The following NAALADL2 variants were observed in gnomAD, a reference collection of about 807,000 sequenced individuals.
The protein encoded by NAALADL2 is N-acetylated alpha-linked acidic dipeptidase like 2.
A neutral mutation model predicts 87.2 loss-of-function variants in NAALADL2; 76 were observed. The ratio of observed to expected loss-of-function variants is 0.87; its 90% CI spans 0.72 to 1.05. The LOEUF (loss-of-function observed/expected upper bound fraction) is 1.05, where lower values mean the gene tolerates loss of function less well. Ranked by LOEUF, NAALADL2 falls within the 50% of genes least tolerant of loss-of-function variation. NAALADL2 has a pLI of 0.00. For missense variants in NAALADL2, 1,089 were observed against 945.8 expected (o/e 1.15, Z -1.99); for synonymous variants, 354 against 331.0 (o/e 1.07, Z -0.75).
chr3:174,576,340 A>G (rs1010700787), intron 2 of NAALADL2, among the ~76,000 whole-genome samples: 2 of 152,220 alleles, frequency 1.3e-5, no homozygotes, highest in Non-Finnish European at 2.9e-5. Flanking sequence ...TTTGATTTGT[A>G]TGGAATGTAT....
At chr3:175,376,754 A>C (rs1254322269) in intron 5 of NAALADL2, among the ~76,000 whole-genome samples, 1 of 152,168 alleles carries the variant, frequency 6.6e-6, no homozygotes, top group African/African-American at 2.4e-5. Flanking sequence ...TATATTGGAT[A>C]GCTTGCTATT....
intron 3 of NAALADL2, among the ~76,000 whole-genome samples, chr3:174,837,866 T>A (rs1723531523): frequency 6.6e-6 from 1 of 151,524 alleles, no homozygotes; most frequent in Admixed American, 6.6e-5. Flanking sequence ...CCAGACAGAT[T>A]CACAGCAGAA....
intron 1 of NAALADL2, among the ~76,000 whole-genome samples, chr3:174,491,244 T>C (rs1297479236): frequency 6.6e-6 from 1 of 152,108 alleles, no homozygotes; most frequent in Admixed American, 6.6e-5. Flanking sequence ...TTATATAAAT[T>C]ACTGAATCTT....
At position 175,139,681 on chromosome 3, in the gene NAALADL2, G is replaced by A. The variant is rs1343160700; in HGVS notation, c.545+42390G>A. ...ATTCATTATTCTAACCCTATCTTCA[G>A]TTGAAACAAAGAGTAGGTGATTATC... On this transcript the variant is annotated intron_variant, in intron 2 of 13. Coordinates refer to ENST00000454872, the MANE Select transcript of NAALADL2 (RefSeq NM_207015.3). 4.7e-5 allele frequency among the ~76,000 whole-genome samples: 6 copies of A among 126,444 alleles called. No individual in the cohort carries two copies. The Admixed American group carries it at 4.9e-4, about 10-fold the overall frequency. The allele number at this position is 126,444 out of a possible 152,430, so 83.0% of individuals were successfully genotyped here. A position where few individuals can be genotyped will look rare whatever the true frequency, so the allele number is the denominator to read the frequency against.
intron 1 of NAALADL2, among the ~76,000 whole-genome samples, chr3:175,028,673 A>T (rs923992234): frequency 6.6e-6 from 1 of 152,054 alleles, no homozygotes; most frequent in Admixed American, 6.6e-5. Context: ...ATCAATGTTG[A>T]TAATATTTTC....
chr3:175,144,320 A>T (rs1730450118), intron 2 of NAALADL2, among the ~76,000 whole-genome samples: 1 of 151,998 alleles, frequency 6.6e-6, no homozygotes, highest in Non-Finnish European at 1.5e-5. Context: ...CATTCTCATA[A>T]TTTAAATATA....
intron 2 of NAALADL2, among the ~76,000 whole-genome samples, chr3:174,625,880 A>T (rs555487455): frequency 6.6e-6 from 1 of 152,066 alleles, no homozygotes. Flanking sequence ...CATTTGAAAA[A>T]TACTGGAGGA....
chr3:174,764,088 C>T (rs560306529), intron 3 of NAALADL2, among the ~76,000 whole-genome samples: 1 of 152,186 alleles, frequency 6.6e-6, no homozygotes, highest in South Asian at 2.1e-4. Context: ...AAGGTATTTA[C>T]TACCCAAGCC....
intron 1 of NAALADL2, among the ~76,000 whole-genome samples, chr3:174,469,775 A>G (rs1716786307): frequency 6.6e-6 from 1 of 152,050 alleles, no homozygotes; most frequent in Non-Finnish European, 1.5e-5. Flanking sequence ...TTTGTGTTAA[A>G]TGGAGGTTTG....
chr3:175,261,428 G>T (rs1022299594), intron 4 of NAALADL2, among the ~76,000 whole-genome samples: 5 of 152,124 alleles, frequency 3.3e-5, no homozygotes, highest in African/African-American at 1.2e-4. Flanking sequence ...AGGTTGGGCT[G>T]TTGTCTAAAT....
chr3:175,323,165 A>G (rs1428362452), intron 4 of NAALADL2, among the ~76,000 whole-genome samples: 1 of 150,010 alleles, frequency 6.7e-6, no homozygotes, highest in East Asian at 2.0e-4. Flanking sequence ...GCCATAAAAA[A>G]TGATGAGTTC....
rs181589804 is a variant in NAALADL2 at position 175,427,299 on chromosome 3, A to T, written c.1091-19930A>T. On this transcript the variant is annotated intron_variant, in intron 5 of 13. Transcript: ENST00000454872. Reference sequence around the variant, plus strand: ...TAGTAGATTTGGGGGGTAGTTTCTCATATTGCATATTGCAAAGGCATTTGT... The same window carrying T: ...TAGTAGATTTGGGGGGTAGTTTCTCTTATTGCATATTGCAAAGGCATTTGT... Among the ~76,000 whole-genome samples the T allele has an allele frequency of 9.1e-4, 139 of 152,276 alleles. No individual in the cohort carries two copies. The East Asian group carries it at 0.02, about 21-fold the overall frequency.
chr3:174,924,111 T>C (rs893727845), intron 1 of NAALADL2, among the ~76,000 whole-genome samples: 3 of 152,130 alleles, frequency 2.0e-5, no homozygotes, highest in African/African-American at 7.2e-5. Flanking sequence ...GTACACAACA[T>C]GCAAGTTTAT....
At chr3:175,047,014 A>G (rs1208459850) in intron 1 of NAALADL2, among the ~76,000 whole-genome samples, 4 of 152,140 alleles carry the variant, frequency 2.6e-5, no homozygotes, top group African/African-American at 9.7e-5. Flanking sequence ...ATAGATGGCC[A>G]TCTTCTTACT....
chr3:175,668,356 TA>T (rs1199067219), intron 11 of NAALADL2, among the ~76,000 whole-genome samples: 13 of 152,292 alleles, frequency 8.5e-5, no homozygotes, highest in African/African-American at 3.1e-4. Flanking sequence ...TATTGTTTAT[TA>T]TGATAACCTT....
intron 3 of NAALADL2, among the ~76,000 whole-genome samples, chr3:174,793,255 CTA>C (rs1717679147): frequency 6.6e-6 from 1 of 151,978 alleles, no homozygotes; most frequent in Non-Finnish European, 1.5e-5. Context: ...TAAATACTCT[CTA>C]TTGGGGTTCA....
intron 2 of NAALADL2, among the ~76,000 whole-genome samples, chr3:175,210,149 G>C (rs1741558033): frequency 6.6e-6 from 1 of 151,742 alleles, no homozygotes; most frequent in South Asian, 2.1e-4. Flanking sequence ...AATTAGCCAA[G>C]GGTTGAATAG....
chr3:174,576,878 A>G (rs1477232582), intron 2 of NAALADL2, among the ~76,000 whole-genome samples: 1 of 152,194 alleles, frequency 6.6e-6, no homozygotes, highest in African/African-American at 2.4e-5. Context: ...GTGATAGAGT[A>G]AAATATACAT....
intron 5 of NAALADL2, among the ~76,000 whole-genome samples, chr3:175,355,781 C>T (rs769622413): frequency 3.3e-5 from 5 of 152,092 alleles, no homozygotes; most frequent in Non-Finnish European, 5.9e-5. Flanking sequence ...TAAATGGTAG[C>T]TGTTATTGTT....
Sources: gnomAD v4.1 joint callset for allele counts (sites outside exome capture counted in the v4.1 genomes callset) on GRCh38, gnomAD v4.1.1 for gene constraint, MANE v1.5 for transcripts, NCBI Gene and HGNC (gene_info 2026-07-23, HGNC 2026-07-21) for gene names.